The following ACTN2 variants were observed in gnomAD, a reference collection of about 807,000 sequenced individuals.
ACTN2 encodes the protein actinin alpha 2.
ACTN2 carries 39 observed loss-of-function variants against 113.8 expected under a neutral mutation model. The observed-to-expected ratio is 0.34, with a 90% CI of 0.27 to 0.45. ACTN2 has a LOEUF of 0.45. Ranked by LOEUF, ACTN2 falls within the 20% of genes least tolerant of loss-of-function variation. The probability of loss-of-function intolerance (pLI) is 1.00; values close to 1 mark genes in which losing one functional copy is unlikely to be tolerated. For synonymous variants in ACTN2, 429 were observed against 444.1 expected (o/e 0.97, Z 0.43); for missense variants, 992 against 1,177.9 (o/e 0.84, Z 2.31).
At chr1:236,735,590 G>A (rs747926351) in intron 7 of ACTN2, 45 bp from the exon 8 acceptor site, 2 of 1,388,820 alleles carry the variant, frequency 1.4e-6, no homozygotes, top group South Asian at 1.2e-5. Context: ...TATGTGTGTG[G>A]TGTGTGTGTG....
At chr1:236,695,563 T>TCA (rs1657467279) in intron 1 of ACTN2, among the ~76,000 whole-genome samples, 1 of 100,796 alleles carries the variant, frequency 9.9e-6, no homozygotes, top group Non-Finnish European at 1.9e-5. Flanking sequence ...TGAAATGAGT[T>TCA]CCCCCCCCCT....
intron 1 of ACTN2, among the ~76,000 whole-genome samples, chr1:236,688,801 CTATT>C (rs999478974): frequency 6.6e-6 from 1 of 152,108 alleles, no homozygotes; most frequent in African/African-American, 2.4e-5. Flanking sequence ...GCAGTGGCCT[CTATT>C]TATGTCCCAT....
intron 4 of ACTN2, 130 bp from the exon 5 acceptor site, chr1:236,725,803 C>T: frequency 2.5e-6 from 2 of 815,160 alleles, no homozygotes; most frequent in South Asian, 1.3e-5. Flanking sequence ...CTCCTATGCA[C>T]TTGCCGAGGC....
rs1572146383 is a variant in ACTN2, at chr1:236,755,051, A to C, written c.2007A>C (p.Gly669=). 6.2e-7 allele frequency: 1 copy of C among 1,614,204 alleles called. No homozygotes were observed. Among genetic ancestry groups the C allele is most frequent in the Non-Finnish European group, 8.5e-7 (1 of 1,180,036 alleles). The change falls in exon 17 of 21, where the codon GGA becomes GGC. Residue 669 remains glycine (G), a synonymous_variant. Coordinates refer to ENST00000366578, the MANE Select transcript of ACTN2 (RefSeq NM_001103.4). ...EIARSSIQIT[G]ALEDQMNQLK... is the part of the protein sequence containing the mutation. ...CCCGGAGCTCCATCCAGATCACAGG[A>C]GCCCTGGAAGACCAGATGAACCAGC...
In ACTN2 at chr1:236,757,634, T is replaced by C. The variant is rs2102947209; in HGVS notation, c.2301+2T>C. ...GCCTCCTTCAACCACTTTGACAGGG[T>C]ACCACTCTCTACTTATTTGAAGGGC... On this transcript the variant is annotated splice_donor_variant, in intron 18 of 20. Coordinates refer to ENST00000366578, the MANE Select transcript of ACTN2 (RefSeq NM_001103.4). LOFTEE classifies it high-confidence loss of function. The C allele has an allele frequency of 6.2e-7, 1 of 1,614,138 alleles. No homozygotes were observed. The highest frequency in any genetic ancestry group is 8.5e-7 in the Non-Finnish European group (1 of 1,180,006).
At chr1:236,746,180 A>AG (rs1553303296) in intron 12 of ACTN2, among the ~76,000 whole-genome samples, 19 of 151,052 alleles carry the variant, frequency 1.3e-4, no homozygotes, top group African/African-American at 4.6e-4. Flanking sequence ...AAAAAAAAAA[A>AG]AAAGAAAGAA....
At chr1:236,717,359 C>G (rs566062881) in intron 1 of ACTN2, among the ~76,000 whole-genome samples, 6 of 152,008 alleles carry the variant, frequency 3.9e-5, no homozygotes, top group Non-Finnish European at 7.4e-5. Flanking sequence ...ATCAGTTGAG[C>G]CTGGGAGGTT....
chr1:236,704,838 G>A (rs1207112862), intron 1 of ACTN2, among the ~76,000 whole-genome samples: 2 of 152,156 alleles, frequency 1.3e-5, no homozygotes, highest in African/African-American at 4.8e-5. Context: ...AGAACCGTGG[G>A]GAAATGTGAT....
intron 14 of ACTN2, among the ~76,000 whole-genome samples, chr1:236,750,700 G>A (rs1280403882): frequency 1.3e-5 from 2 of 152,126 alleles, no homozygotes; most frequent in African/African-American, 2.4e-5. Context: ...TTCTTTTTGA[G>A]GAATAGGGAT....
chr1:236,694,935 G>A (rs1219276068), intron 1 of ACTN2, among the ~76,000 whole-genome samples: 5 of 152,112 alleles, frequency 3.3e-5, no homozygotes, highest in South Asian at 4.1e-4. Context: ...GTATGGTGGC[G>A]TGTGCTTGTA....
intron 17 of ACTN2, 41 bp from the exon 18 acceptor site, chr1:236,757,445 G>T: frequency 6.2e-7 from 1 of 1,613,492 alleles, no homozygotes; most frequent in East Asian, 2.2e-5. Context: ...TTGACATGCT[G>T]GAGAGACTTA....
At chr1:236,761,913 A>G (rs1041549813) in intron 20 of ACTN2, among the ~76,000 whole-genome samples, 1 of 152,188 alleles carries the variant, frequency 6.6e-6, no homozygotes, top group Admixed American at 6.5e-5. Context: ...TTTAAAATGA[A>G]TCATTTACCC....
chr1:236,761,449 G>A (rs1299067695), intron 20 of ACTN2, among the ~76,000 whole-genome samples: 1 of 151,914 alleles, frequency 6.6e-6, no homozygotes, highest in Non-Finnish European at 1.5e-5. Flanking sequence ...GTGTGTGTGT[G>A]TGTGTGTGTA....
At chr1:236,759,817 G>A in intron 19 of ACTN2, 28 bp downstream of exon 19, 1 of 1,593,360 alleles carries the variant, frequency 6.3e-7, no homozygotes, top group Non-Finnish European at 8.6e-7. Flanking sequence ...ATTGTACTAA[G>A]ATTTGATATT....
chr1:236,727,843 C>A, intron 6 of ACTN2, 87 bp downstream of exon 6: 1 of 1,328,502 alleles, frequency 7.5e-7, no homozygotes, highest in Non-Finnish European at 1.1e-6. Context: ...TAGCCTAGCA[C>A]AAACCCCAGG....
At position 236,743,030 on chromosome 1, in the gene ACTN2, G is replaced by A. The variant is rs775057676; in HGVS notation, c.1242G>A (p.Glu414=). Residue 414 remains glutamate, a synonymous_variant, in exon 11 of 21, where the codon GAG becomes GAA. Coordinates refer to ENST00000366578, the MANE Select transcript of ACTN2 (RefSeq NM_001103.4). ...EKFRQKASTH[E]TWAYGKEQIL... Reference sequence around the variant, plus strand: ...TCAGGCAGAAGGCCTCAACGCACGAGACTTGGGCTTATGGTAAGTAGACAG... The same window carrying A: ...TCAGGCAGAAGGCCTCAACGCACGAAACTTGGGCTTATGGTAAGTAGACAG... The A allele has an allele frequency of 6.2e-7, 1 of 1,614,144 alleles. No homozygotes were observed. Among genetic ancestry groups the A allele is most frequent in the Non-Finnish European group, 8.5e-7 (1 of 1,180,032 alleles).
intron 1 of ACTN2, among the ~76,000 whole-genome samples, 155 bp from the exon 2 acceptor site, chr1:236,717,703 G>A (rs962407346): frequency 6.6e-6 from 1 of 152,188 alleles, no homozygotes; most frequent in Non-Finnish European, 1.5e-5. Context: ...TGGGTTTCCA[G>A]TTCTTCTTTC....
intron 4 of ACTN2, among the ~76,000 whole-genome samples, chr1:236,725,152 T>G (rs1314236580): frequency 2.0e-5 from 3 of 152,220 alleles, no homozygotes; most frequent in Non-Finnish European, 4.4e-5. Flanking sequence ...AAGACTCACT[T>G]CAATTACAGA....
intron 6 of ACTN2, 101 bp from the exon 7 acceptor site, chr1:236,731,132 G>T (rs1237275553): frequency 3.7e-6 from 3 of 816,132 alleles, no homozygotes; most frequent in African/African-American, 3.4e-5. Context: ...GTGTGTGGGT[G>T]GGAAGGTGTC....
Sources: gnomAD v4.1 joint callset for allele counts (sites outside exome capture counted in the v4.1 genomes callset) on GRCh38, gnomAD v4.1.1 for gene constraint, MANE v1.5 for transcripts, NCBI Gene and HGNC (gene_info 2026-07-23, HGNC 2026-07-21) for gene names.